The following UBE4B variants were observed in gnomAD, a reference collection of about 807,000 sequenced individuals.
UBE4B encodes ubiquitin conjugation factor E4 B.
In UBE4B, 27 loss-of-function variants were observed where a neutral mutation model predicts 148.1. That is an observed-to-expected ratio of 0.18 (90% CI 0.13 to 0.25). The LOEUF is 0.25. UBE4B is among the 10% of genes least tolerant of loss of function. The pLI, the probability that UBE4B is intolerant of heterozygous loss-of-function variation, is 1.00. For synonymous variants in UBE4B, 596 were observed against 619.3 expected (o/e 0.96, Z 0.56); for missense variants, 1,170 against 1,662.4 (o/e 0.70, Z 5.15).
intron 2 of UBE4B, among the ~76,000 whole-genome samples, chr1:10,074,345 C>T (rs1300422113): frequency 6.8e-6 from 1 of 146,672 alleles, no homozygotes; most frequent in Admixed American, 6.8e-5. Context: ...CTCATATGGC[C>T]TTTTTTTTTT....
intron 21 of UBE4B, among the ~76,000 whole-genome samples, chr1:10,156,397 A>G (rs1174172020): frequency 6.6e-6 from 1 of 151,738 alleles, no homozygotes; most frequent in African/African-American, 2.4e-5. Context: ...GTGCCACCAC[A>G]CCCAGCTAAT....
chr1:10,039,270 C>G (rs1236769050), intron 1 of UBE4B, among the ~76,000 whole-genome samples: 1 of 152,090 alleles, frequency 6.6e-6, no homozygotes, highest in Non-Finnish European at 1.5e-5. Context: ...AAAAGTGATA[C>G]TTAACGCTGA....
intron 17 of UBE4B, among the ~76,000 whole-genome samples, 183 bp downstream of exon 17, chr1:10,137,388 GTGATCCAAACCT>G (rs1363377261): frequency 1.3e-5 from 2 of 152,162 alleles, no homozygotes; most frequent in African/African-American, 4.8e-5. Context: ...ACCTGGTGAA[GTGATCCAAACCT>G]TGATTTCTGA....
intron 21 of UBE4B, among the ~76,000 whole-genome samples, chr1:10,156,601 AT>A (rs1188143920): frequency 6.6e-6 from 1 of 152,058 alleles, no homozygotes; most frequent in African/African-American, 2.4e-5. Flanking sequence ...TTGGGTGCAG[AT>A]ATTGGGGCAT....
chr1:10,061,717 C>G (rs940715562), intron 1 of UBE4B, among the ~76,000 whole-genome samples: 1 of 152,130 alleles, frequency 6.6e-6, no homozygotes, highest in Non-Finnish European at 1.5e-5. Context: ...ATTCTCAACT[C>G]TACCCAGAAA....
intron 1 of UBE4B, among the ~76,000 whole-genome samples, chr1:10,049,224 GACT>G (rs1461829279): frequency 6.6e-6 from 1 of 152,208 alleles, no homozygotes; most frequent in East Asian, 1.9e-4. Flanking sequence ...ACTGAGGGCT[GACT>G]ATGTGGAGAT....
chr1:10,153,002 G>A (rs1228138461), intron 21 of UBE4B, among the ~76,000 whole-genome samples: 1 of 151,702 alleles, frequency 6.6e-6, no homozygotes, highest in Non-Finnish European at 1.5e-5. Flanking sequence ...CGGGGGTTGT[G>A]CACGGTTGCT....
chr1:10,172,412 A>G (rs1223022894), intron 25 of UBE4B, among the ~76,000 whole-genome samples: 2 of 152,232 alleles, frequency 1.3e-5, no homozygotes, highest in Non-Finnish European at 2.9e-5. Context: ...GTGAGGAAAG[A>G]GGCACAGAGA....
intron 1 of UBE4B, among the ~76,000 whole-genome samples, chr1:10,040,516 G>T (rs1643715614): frequency 6.6e-6 from 1 of 152,072 alleles, no homozygotes; most frequent in Non-Finnish European, 1.5e-5. Context: ...CTCCCAGAGT[G>T]CTGAGATTGC....
intron 2 of UBE4B, among the ~76,000 whole-genome samples, chr1:10,092,478 T>A (rs1170207355): frequency 3.3e-5 from 5 of 150,832 alleles, no homozygotes; most frequent in Admixed American, 3.3e-4. Context: ...CCGCCTCAGC[T>A]CCCAAAGTGC....
chr1:10,047,488 C>CT (rs952378949), intron 1 of UBE4B, among the ~76,000 whole-genome samples: 2,276 of 115,966 alleles, frequency 0.02, 45 homozygotes, highest in East Asian at 0.043. Context: ...CTTCATATAT[C>CT]TTTTTTTTTT....
chr1:10,047,547 T>C (rs113406947), intron 1 of UBE4B, among the ~76,000 whole-genome samples: 8,269 of 148,954 alleles, frequency 0.056, 385 homozygotes, highest in African/African-American at 0.13. Flanking sequence ...GGCTGGAGTG[T>C]AGTGGCGTGA....
intron 17 of UBE4B, among the ~76,000 whole-genome samples, chr1:10,141,950 A>C (rs924664072): frequency 3.3e-5 from 5 of 152,188 alleles, no homozygotes; most frequent in African/African-American, 9.7e-5. Context: ...TAATTTGTAG[A>C]ACTGGAGCTG....
Position 10,103,101 on chromosome 1 carries a change from C to T in UBE4B, c.580+9C>T, listed in dbSNP as rs753962500. On this transcript the variant is annotated intron_variant, in intron 5 of 27. Coordinates refer to ENST00000343090, the MANE Select transcript of UBE4B (RefSeq NM_001105562.3). ...GCAGAACCCAAAAGAAGGTAGGAAT[C>T]TAGCTCAGCAGTCTTACTGCAGAGT... 3 of 1,597,354 alleles carry T rather than the reference C, an allele frequency of 1.9e-6. No homozygotes were observed. In the South Asian group the frequency reaches 3.3e-5, roughly 18 times the overall value.
chr1:10,132,839 G>A (rs1437825052), intron 15 of UBE4B, among the ~76,000 whole-genome samples: 1 of 152,210 alleles, frequency 6.6e-6, no homozygotes, highest in East Asian at 1.9e-4. Flanking sequence ...TAGTGGCTGA[G>A]AAAAGAGCTA....
At chr1:10,142,429 G>T (rs887115965) in intron 17 of UBE4B, among the ~76,000 whole-genome samples, 1 of 152,156 alleles carries the variant, frequency 6.6e-6, no homozygotes, top group Non-Finnish European at 1.5e-5. Context: ...TCCCAACACT[G>T]GGAGGCCGAG....
chr1:10,177,601 A>G (rs1342177141), intron 25 of UBE4B, among the ~76,000 whole-genome samples: 2 of 152,152 alleles, frequency 1.3e-5, no homozygotes, highest in Non-Finnish European at 2.9e-5. Flanking sequence ...GGCTGCAGTG[A>G]GCCATGATTG....
rs1447145458 is a variant in UBE4B, at chr1:10,168,715, A to G, written c.3333+445A>G. Among the ~76,000 whole-genome samples, 1 of 152,136 alleles carries G rather than the reference A, an allele frequency of 6.6e-6. No individual in the cohort carries two copies. The highest frequency in any genetic ancestry group is 1.5e-5 in the Non-Finnish European group (1 of 68,028). ...AGACCATCCTGGCTAACACAGTGAA[A>G]CCCCATCTCTACTAAAAGTACAAAA... is the stretch of plus-strand genomic sequence containing the variant. On this transcript the variant is annotated intron_variant, in intron 24 of 27. Transcript: ENST00000343090. This position sits in a 1 kb window ranked among gnomAD's most constrained non-coding sequence, Gnocchi z 4.9.
intron 2 of UBE4B, among the ~76,000 whole-genome samples, chr1:10,077,897 T>C (rs374105220): frequency 6.6e-6 from 1 of 152,232 alleles, no homozygotes; most frequent in African/African-American, 2.4e-5. Context: ...TATTTCTTCA[T>C]GTTTTACTGC....
Sources: gnomAD v4.1 joint callset for allele counts (sites outside exome capture counted in the v4.1 genomes callset) on GRCh38, gnomAD v4.1.1 for gene constraint, Gnocchi (gnomAD v3.1) non-coding constraint, MANE v1.5 for transcripts, NCBI Gene and HGNC (gene_info 2026-07-23, HGNC 2026-07-21) for gene names.